Variants in FRMD4A observed in about 807,000 individuals in gnomAD.
The protein encoded by FRMD4A is FERM domain-containing protein 4A.
Under a neutral mutation model 129.1 loss-of-function variants are expected in FRMD4A, and 29 were observed. The ratio of observed to expected loss-of-function variants is 0.22; its 90% CI spans 0.17 to 0.31. FRMD4A has a LOEUF of 0.31. Among genes scored for constraint, FRMD4A ranks in the 10% least tolerant of loss-of-function variants. The pLI is 1.00. For synonymous variants in FRMD4A, 634 were observed against 571.6 expected, an observed-to-expected ratio of 1.11 and a Z score of -1.56; for missense variants, 1,272 against 1,375.8, an observed-to-expected ratio of 0.92 and a Z score of 1.19.
At chr10:14,289,644 A>G (rs1361582927) in intron 2 of FRMD4A, among the ~76,000 whole-genome samples, 3 of 152,146 alleles carry the variant, frequency 2.0e-5, no homozygotes, top group African/African-American at 7.2e-5. Context: ...CCATATATGA[A>G]AAGCCCCCAG....
chr10:14,211,110 C>G (rs998267651), intron 2 of FRMD4A, among the ~76,000 whole-genome samples: 2 of 152,086 alleles, frequency 1.3e-5, no homozygotes, highest in African/African-American at 2.4e-5. Context: ...TCCTATCCCC[C>G]CATCTCACTT....
chr10:13,709,548 AT>A (rs927186512), intron 12 of FRMD4A, among the ~76,000 whole-genome samples: 2 of 148,314 alleles, frequency 1.3e-5, no homozygotes, highest in African/African-American at 2.6e-5. Flanking sequence ...AAAAAAAAAA[AT>A]ATGTGTGTGC....
chr10:13,770,449 A>T (rs901351745), intron 6 of FRMD4A, among the ~76,000 whole-genome samples: 5 of 151,838 alleles, frequency 3.3e-5, no homozygotes, highest in African/African-American at 1.2e-4. Context: ...ACTTTTATTT[A>T]TTTATTTTTG....
intron 2 of FRMD4A, among the ~76,000 whole-genome samples, chr10:14,106,574 T>A (rs540645292): frequency 7.4e-4 from 113 of 152,362 alleles, no homozygotes; most frequent in African/African-American, 2.6e-3. Context: ...CACAATCTCA[T>A]CAATTTCCTT....
intron 2 of FRMD4A, among the ~76,000 whole-genome samples, chr10:14,191,807 CT>C (rs1842327034): frequency 3.5e-5 from 1 of 28,556 alleles, no homozygotes; most frequent in Non-Finnish European, 1.1e-4. Flanking sequence ...TTTTTTTTTT[CT>C]CTCTCTCTCT....
intron 2 of FRMD4A, among the ~76,000 whole-genome samples, chr10:14,223,471 G>C (rs547490039): frequency 6.6e-6 from 1 of 152,268 alleles, no homozygotes; most frequent in Admixed American, 6.5e-5. Context: ...GCTGGGTATG[G>C]TGACTCATAC....
chr10:14,117,307 G>A (rs1215815006), intron 2 of FRMD4A, among the ~76,000 whole-genome samples: 1 of 152,240 alleles, frequency 6.6e-6, no homozygotes, highest in Non-Finnish European at 1.5e-5. Flanking sequence ...CTGAATGAAT[G>A]AGAGAGCCTC....
Position 13,679,474 on chromosome 10 carries a change from T to TATATACACACACACACACACACAC in FRMD4A, c.1118-4431_1118-4430insGTGTGTGTGTGTGTGTGTGTATAT, listed in dbSNP as rs1308155926. 2.3e-3 allele frequency among the ~76,000 whole-genome samples: 73 copies of TATATACACACACACACACACACAC among 31,448 alleles called. 1 individual carries two copies. Among genetic ancestry groups the TATATACACACACACACACACACAC allele is most frequent in the Middle Eastern group, 0.016 (1 of 64 alleles). The allele number at this position is 31,448 out of a possible 152,430, so 20.6% of individuals were successfully genotyped here. A position where few individuals can be genotyped will look rare whatever the true frequency, so the allele number is the denominator to read the frequency against. On this transcript the variant is annotated intron_variant, in intron 15 of 24. Coordinates refer to ENST00000357447, the MANE Select transcript of FRMD4A (RefSeq NM_018027.5). ...AAAAAAAAAAAAATATATATATATA[T>TATATACACACACACACACACACAC]ACACACACACACACACACACACACA...
intron 6 of FRMD4A, among the ~76,000 whole-genome samples, chr10:13,766,409 C>T (rs2092288546): frequency 6.6e-6 from 1 of 152,106 alleles, no homozygotes; most frequent in African/African-American, 2.4e-5. Context: ...TGAAATGTGG[C>T]CAGTGGGAGG....
chr10:13,969,137 C>T (rs2095503038), intron 2 of FRMD4A, among the ~76,000 whole-genome samples: 3 of 152,240 alleles, frequency 2.0e-5, no homozygotes, highest in Admixed American at 2.0e-4. Flanking sequence ...TTCTCCCAGG[C>T]CCCTCGGCCT....
chr10:14,114,132 G>T (rs144759749), intron 2 of FRMD4A, among the ~76,000 whole-genome samples: 1 of 152,216 alleles, frequency 6.6e-6, no homozygotes, highest in Admixed American at 6.5e-5. Context: ...ACTCACTGCC[G>T]ACTGTGTGCG....
At chr10:14,192,383 C>T (rs1842345393) in intron 2 of FRMD4A, among the ~76,000 whole-genome samples, 1 of 152,126 alleles carries the variant, frequency 6.6e-6, no homozygotes, top group South Asian at 2.1e-4. Context: ...CTCTTATAAC[C>T]TAATTAGCTT....
At chr10:13,774,684 T>TG (rs1372958103) in intron 6 of FRMD4A, among the ~76,000 whole-genome samples, 1 of 152,172 alleles carries the variant, frequency 6.6e-6, no homozygotes, top group Non-Finnish European at 1.5e-5. Flanking sequence ...GGACACCCAC[T>TG]GGGGGACCAT....
chr10:13,704,419 C>G (rs1429234534), intron 13 of FRMD4A, among the ~76,000 whole-genome samples: 1 of 152,170 alleles, frequency 6.6e-6, no homozygotes, highest in Non-Finnish European at 1.5e-5. Flanking sequence ...TCCTCCAACT[C>G]CCACTTCCCT....
rs187639423 is a variant in FRMD4A at position 14,138,012 on chromosome 10, C to T, written c.45+192046G>A. Among the ~76,000 whole-genome samples the T allele has an allele frequency of 2.6e-5, 4 of 152,252 alleles. No homozygotes were observed. In the East Asian group the frequency reaches 5.8e-4, roughly 22 times the overall value. On this transcript the variant is annotated intron_variant, in intron 2 of 24. Coordinates refer to ENST00000357447, the MANE Select transcript of FRMD4A (RefSeq NM_018027.5). ...GTGCCTGCCCTTCACAATAAGAAGG[C>T]AGTTGTTAGATACAAAGACCACCTT...
At chr10:14,088,291 A>G (rs1370773801) in intron 2 of FRMD4A, among the ~76,000 whole-genome samples, 1 of 151,830 alleles carries the variant, frequency 6.6e-6, no homozygotes, top group Non-Finnish European at 1.5e-5. Flanking sequence ...TATTTAAAAA[A>G]CGACATTTAG....
chr10:14,108,844 T>C (rs1837721672), intron 2 of FRMD4A, among the ~76,000 whole-genome samples: 1 of 151,998 alleles, frequency 6.6e-6, no homozygotes, highest in African/African-American at 2.4e-5. Flanking sequence ...AAAAACAAAC[T>C]CAATGGGGAA....
chr10:13,749,575 G>A (rs2091466523), intron 8 of FRMD4A, among the ~76,000 whole-genome samples: 1 of 152,128 alleles, frequency 6.6e-6, no homozygotes, highest in Non-Finnish European at 1.5e-5. Flanking sequence ...GATGCCCAGT[G>A]CCACTGGGCA....
In FRMD4A at chr10:13,819,144, AACAAAAC is replaced by A. The variant is rs201815026; in HGVS notation, c.112-8243_112-8237del. The stretch of plus-strand genomic sequence containing the variant: ...CTCTGTCTCAAACAAAACAAAACAA[AACAAAAC>A]AAAATCCCCACTCCATATAGTATCA... On this transcript the variant is annotated intron_variant, in intron 3 of 24. Transcript: ENST00000357447. Among the ~76,000 whole-genome samples, 64 of 118,238 alleles carry A rather than the reference AACAAAAC, an allele frequency of 5.4e-4. 1 individual carries two copies. Among genetic ancestry groups the A allele is most frequent in the Middle Eastern group, 0.011 (2 of 188 alleles). 77.6% of individuals were successfully genotyped at this position (118,238 alleles called of 152,430 possible).
Sources: gnomAD v4.1 joint callset for allele counts (sites outside exome capture counted in the v4.1 genomes callset) on GRCh38, gnomAD v4.1.1 for gene constraint, MANE v1.5 for transcripts, NCBI Gene and HGNC (gene_info 2026-07-23, HGNC 2026-07-21) for gene names.